Variants in NR5A2 observed in about 807,000 individuals in gnomAD.
The protein encoded by NR5A2 is nuclear receptor subfamily 5 group A member 2, also known as CYP7A promoter-binding factor.
NR5A2 carries 26 observed loss-of-function variants against 62.7 expected under a neutral mutation model. The ratio of observed to expected loss-of-function variants is 0.41; its 90% CI spans 0.30 to 0.58. The LOEUF (loss-of-function observed/expected upper bound fraction) is 0.58, where lower values mean the gene tolerates loss of function less well. Among genes scored for constraint, NR5A2 ranks in the 20% least tolerant of loss-of-function variants. The probability of loss-of-function intolerance (pLI) is 0.22; values close to 1 mark genes in which losing one functional copy is unlikely to be tolerated. For synonymous variants in NR5A2, 246 were observed against 241.7 expected, an observed-to-expected ratio of 1.02 and a Z score of -0.16; for missense variants, 541 against 669.1, an observed-to-expected ratio of 0.81 and a Z score of 2.11.
At chr1:200,135,474 T>C (rs1460024885) in intron 7 of NR5A2, among the ~76,000 whole-genome samples, 3 of 151,410 alleles carry the variant, frequency 2.0e-5, no homozygotes, top group Non-Finnish European at 4.4e-5. Context: ...CAAGCCAAGA[T>C]TGCGCCCCTG....
rs777713696 is a variant in NR5A2, at chr1:200,048,323, T to C, written c.615T>C (p.Ser205=). The part of the protein sequence containing the change: ...AMSQVIQAMP[S]DLTISSAIQN... ...CTCAGGTGATCCAAGCTATGCCCTC[T>C]GACCTGACCATTTCCTCTGCAATTC... Residue 205 remains serine (S), a synonymous_variant, in exon 5 of 8, where the codon TCT becomes TCC. Transcript: ENST00000367362. This position sits in a 1 kb window ranked among gnomAD's most constrained non-coding sequence, Gnocchi z 4.8. 1 of 1,614,200 alleles carries C rather than the reference T, an allele frequency of 6.2e-7. No individual in the cohort carries two copies. Among genetic ancestry groups the C allele is most frequent in the Non-Finnish European group, 8.5e-7 (1 of 1,180,034 alleles).
chr1:200,038,767 C>G, intron 1 of NR5A2: 2 of 1,361,052 alleles, frequency 1.5e-6, no homozygotes, highest in Middle Eastern at 2.1e-4. Context: ...TCGCTTCTGA[C>G]TAGCTGTAAG....
At chr1:200,166,537 C>G (rs186057626) in intron 7 of NR5A2, among the ~76,000 whole-genome samples, 148 of 152,232 alleles carry the variant, frequency 9.7e-4, no homozygotes, top group African/African-American at 3.4e-3. Context: ...CCTTTAGAAA[C>G]GGAACTACTT....
chr1:200,160,183 A>G (rs1653580285), intron 7 of NR5A2, among the ~76,000 whole-genome samples: 1 of 152,250 alleles, frequency 6.6e-6, no homozygotes, highest in Non-Finnish European at 1.5e-5. Flanking sequence ...CACTGTGTCC[A>G]TGGAGTATCA....
chr1:200,048,458 C>T lies in NR5A2; in HGVS notation c.750C>T (p.Pro250=). ...CATCCCCCATTAGCATGACAATGCC[C>T]CCTCACGGCAGCCTGCAAGGTTACC... ...FVTSPISMTM[P]PHGSLQGYQT... The change falls in exon 5 of 8, where the codon CCC becomes CCT. Residue 250 remains proline, a synonymous_variant. Coordinates refer to ENST00000367362, the MANE Select transcript of NR5A2 (RefSeq NM_205860.3). This position sits in a 1 kb window ranked among gnomAD's most constrained non-coding sequence, Gnocchi z 4.8. 6.2e-7 allele frequency: 1 copy of T among 1,613,998 alleles called. No homozygotes were observed. The highest frequency in any genetic ancestry group is 1.1e-5 in the South Asian group (1 of 91,080).
intron 2 of NR5A2, chr1:200,043,144 G>A (rs1376581040): frequency 2.8e-6 from 1 of 359,558 alleles, no homozygotes; most frequent in Non-Finnish European, 3.9e-6. Flanking sequence ...GTAAGGAGAT[G>A]AAAGTATCCA....
At chr1:200,068,307 A>G (rs960841083) in intron 5 of NR5A2, among the ~76,000 whole-genome samples, 7 of 152,230 alleles carry the variant, frequency 4.6e-5, no homozygotes, top group African/African-American at 1.7e-4. Flanking sequence ...ACAGATGAGC[A>G]TAAATATGTC....
Position 200,175,632 on chromosome 1 carries a change from A to G in NR5A2, c.*1422A>G, listed in dbSNP as rs949212791. 2.0e-5 allele frequency: 3 copies of G among 152,672 alleles called. No individual in the cohort carries two copies. Among genetic ancestry groups the G allele is most frequent in the African/African-American group, 7.2e-5 (3 of 41,482 alleles). 9.5% of individuals were successfully genotyped at this position (152,672 alleles called of 1,614,324 possible). A position where few individuals can be genotyped will look rare whatever the true frequency, so the allele number is the denominator to read the frequency against. On this transcript the variant is annotated 3_prime_UTR_variant, in exon 8 of 8. Transcript: ENST00000367362. ...TAAAGTCAAATAAGATATAGTGTTTACATTCTTTAGGTCCTGAGGGGCAGG... is the reference window on the plus strand; with the variant it reads ...TAAAGTCAAATAAGATATAGTGTTTGCATTCTTTAGGTCCTGAGGGGCAGG...
intron 7 of NR5A2, among the ~76,000 whole-genome samples, chr1:200,126,491 C>T (rs989396246): frequency 1.3e-5 from 2 of 151,898 alleles, no homozygotes; most frequent in Non-Finnish European, 2.9e-5. Flanking sequence ...GAAAGAATGC[C>T]TTTCCTCCCA....
Position 200,097,740 on chromosome 1 carries a change from C to T in NR5A2, c.1111-13462C>T, listed in dbSNP as rs570919816. On this transcript the variant is annotated intron_variant, in intron 5 of 7. Transcript: ENST00000367362. ...GACAGATTCAACAGGGCAATGCTGA[C>T]GTCTTAGGAAGGGAGTGTGTAGGCG... 4.3e-4 allele frequency among the ~76,000 whole-genome samples: 66 copies of T among 152,250 alleles called. 1 individual carries two copies. The highest frequency in any genetic ancestry group is 1.5e-3 in the African/African-American group (61 of 41,542).
At chr1:200,036,280 G>T (rs1661775941) in intron 1 of NR5A2, among the ~76,000 whole-genome samples, 1 of 152,190 alleles carries the variant, frequency 6.6e-6, no homozygotes, top group South Asian at 2.1e-4. Context: ...GCAAACTCGG[G>T]TTCCTCCTCC....
intron 7 of NR5A2, among the ~76,000 whole-genome samples, chr1:200,166,960 G>C (rs1224992631): frequency 6.6e-6 from 1 of 152,186 alleles, no homozygotes; most frequent in Non-Finnish European, 1.5e-5. Flanking sequence ...TCCTGGGAAA[G>C]CCATTTAATC....
chr1:200,128,739 T>C (rs1265407219), intron 7 of NR5A2, among the ~76,000 whole-genome samples: 2 of 152,020 alleles, frequency 1.3e-5, no homozygotes, highest in African/African-American at 4.8e-5. Flanking sequence ...GTGTAGTAAG[T>C]TTGTACATTC....
chr1:200,136,013 T>C (rs920218006), intron 7 of NR5A2, among the ~76,000 whole-genome samples: 6 of 152,230 alleles, frequency 3.9e-5, no homozygotes, highest in Admixed American at 6.5e-5. Flanking sequence ...TTATCCTTGA[T>C]GTTTTGGAAT....
At position 200,048,603 on chromosome 1, in the gene NR5A2, G is replaced by T; in HGVS notation, c.895G>T (p.Ala299Ser). Residue 299 changes from alanine (A) to serine (S), a missense_variant, in exon 5 of 8, where the codon GCA becomes TCA. This residue lies in a region of NR5A2 where 379 missense variants were observed against 442.0 expected (regional missense o/e 0.86). Transcript: ENST00000367362. This position sits in a 1 kb window ranked among gnomAD's most constrained non-coding sequence, Gnocchi z 4.8. ...GGATAGTTACCAGACGAGCTCTCCAGCAAGCATCCCACATCTGATACTGGA... is the reference window on the plus strand; with the variant it reads ...GGATAGTTACCAGACGAGCTCTCCATCAAGCATCCCACATCTGATACTGGA... ...YMDSYQTSSP[A>S]SIPHLILELL... is the part of the protein sequence containing the mutation. 1 of 1,614,192 alleles carries T rather than the reference G, an allele frequency of 6.2e-7. No individual in the cohort carries two copies.
intron 5 of NR5A2, among the ~76,000 whole-genome samples, chr1:200,091,574 T>A (rs1664818160): frequency 6.8e-6 from 1 of 146,300 alleles, no homozygotes; most frequent in Non-Finnish European, 1.5e-5. Flanking sequence ...AACCTCTACC[T>A]CCCAGGTTCA....
chr1:200,164,138 C>G (rs147075555), intron 7 of NR5A2, among the ~76,000 whole-genome samples: 334 of 152,266 alleles, frequency 2.2e-3, no homozygotes, highest in Non-Finnish European at 4.0e-3. Context: ...CACCCTCACC[C>G]GCCACCATGA....
intron 5 of NR5A2, among the ~76,000 whole-genome samples, chr1:200,073,646 T>C (rs1451525127): frequency 6.6e-6 from 1 of 151,888 alleles, no homozygotes; most frequent in Non-Finnish European, 1.5e-5. Flanking sequence ...TCCACGGATG[T>C]AGAAGATACA....
intron 5 of NR5A2, among the ~76,000 whole-genome samples, chr1:200,085,837 T>C (rs535217391): frequency 1.3e-5 from 2 of 152,322 alleles, no homozygotes; most frequent in East Asian, 3.9e-4. Context: ...AGAAACTCAG[T>C]AGATAAGAAA....
Sources: allele counts gnomAD v4.1 joint callset (sites outside exome capture counted in the v4.1 genomes callset), GRCh38; gene constraint gnomAD v4.1.1; regional missense constraint gnomAD v4.1.1; non-coding constraint Gnocchi (gnomAD v3.1); transcripts MANE v1.5; gene names NCBI Gene and HGNC (gene_info 2026-07-23, HGNC 2026-07-21).